The following BMPR1A variants were observed in gnomAD, a reference collection of about 807,000 sequenced individuals.
BMPR1A encodes bone morphogenetic protein receptor type-1A.
Under a neutral mutation model 66.0 loss-of-function variants are expected in BMPR1A, and 7 were observed. The ratio of observed to expected loss-of-function variants is 0.11; its 90% CI spans 0.06 to 0.20. The LOEUF (loss-of-function observed/expected upper bound fraction) is 0.20, where lower values mean the gene tolerates loss of function less well. BMPR1A is among the 10% of genes least tolerant of loss of function. The pLI, the probability that BMPR1A is intolerant of heterozygous loss-of-function variation, is 1.00. For synonymous variants in BMPR1A, 200 were observed against 229.7 expected (o/e 0.87, Z 1.17); for missense variants, 408 against 669.1 (o/e 0.61, Z 4.31).
intron 2 of BMPR1A, among the ~76,000 whole-genome samples, chr10:86,841,929 G>A (rs775312276): frequency 2.0e-5 from 3 of 152,166 alleles, no homozygotes; most frequent in Non-Finnish European, 2.9e-5. Flanking sequence ...ACATGTGCAG[G>A]CTCTGGTGCC....
At chr10:86,904,104 A>G (rs1405821607) in intron 7 of BMPR1A, among the ~76,000 whole-genome samples, 1 of 152,186 alleles carries the variant, frequency 6.6e-6, no homozygotes, top group African/African-American at 2.4e-5. Flanking sequence ...GGGTTTCACC[A>G]TGTTGGCCAG....
At chr10:86,822,319 T>C (rs1215059691) in intron 1 of BMPR1A, among the ~76,000 whole-genome samples, 1 of 152,210 alleles carries the variant, frequency 6.6e-6, no homozygotes, top group African/African-American at 2.4e-5. Flanking sequence ...CCCTGTATCC[T>C]GATTTTACTA....
At chr10:86,865,190 AAAG>A (rs1242225044) in intron 2 of BMPR1A, among the ~76,000 whole-genome samples, 2 of 151,996 alleles carry the variant, frequency 1.3e-5, no homozygotes, top group Non-Finnish European at 2.9e-5. Context: ...TTCCACCACA[AAAG>A]AAGTGTAAAT....
At chr10:86,860,482 A>C (rs1320419395) in intron 2 of BMPR1A, among the ~76,000 whole-genome samples, 1 of 152,108 alleles carries the variant, frequency 6.6e-6, no homozygotes, top group Non-Finnish European at 1.5e-5. Context: ...GAAAAATGCT[A>C]AACGGGGCTG....
intron 1 of BMPR1A, among the ~76,000 whole-genome samples, chr10:86,811,370 A>T (rs1426732307): frequency 6.6e-6 from 1 of 152,092 alleles, no homozygotes; most frequent in African/African-American, 2.4e-5. Flanking sequence ...TATGATGTTC[A>T]GTTTATATTT....
At chr10:86,781,443 A>G (rs879475079) in intron 1 of BMPR1A, among the ~76,000 whole-genome samples, 2 of 152,282 alleles carry the variant, frequency 1.3e-5, no homozygotes, top group East Asian at 3.9e-4. Context: ...GCCTTGTAGT[A>G]TATTTTCAGG....
intron 1 of BMPR1A, among the ~76,000 whole-genome samples, chr10:86,800,288 C>A (rs1225027326): frequency 6.6e-6 from 1 of 152,146 alleles, no homozygotes; most frequent in Non-Finnish European, 1.5e-5. Flanking sequence ...TCTCAGTTGC[C>A]ATCACTCACT....
At chr10:86,904,698 C>CT (rs1214947117) in intron 7 of BMPR1A, among the ~76,000 whole-genome samples, 2 of 152,170 alleles carry the variant, frequency 1.3e-5, no homozygotes, top group African/African-American at 4.8e-5. Flanking sequence ...CTGGCACAAA[C>CT]TAACAATATC....
rs574498499 is a variant in BMPR1A at position 86,814,701 on chromosome 10, G to GT, written c.-267-24161dup. On this transcript the variant is annotated intron_variant, in intron 1 of 12. Coordinates refer to ENST00000372037, the MANE Select transcript of BMPR1A (RefSeq NM_004329.3). ...AGGTTCTAATTTTAATCTCCTTTGT[G>GT]TTTCTGGCCTTCTAGCATGATGTAT... is the stretch of plus-strand genomic sequence containing the variant. Among the ~76,000 whole-genome samples the GT allele has an allele frequency of 2.6e-4, 40 of 151,568 alleles. No homozygotes were observed. The East Asian group carries it at 6.2e-3, about 23-fold the overall frequency.
chr10:86,824,901 C>T (rs1036930269), intron 1 of BMPR1A, among the ~76,000 whole-genome samples: 1 of 151,990 alleles, frequency 6.6e-6, no homozygotes, highest in East Asian at 1.9e-4. Flanking sequence ...GGAATTGATT[C>T]CACCCTTACT....
chr10:86,801,736 C>T (rs544124308), intron 1 of BMPR1A, among the ~76,000 whole-genome samples: 5 of 151,932 alleles, frequency 3.3e-5, no homozygotes, highest in African/African-American at 1.2e-4. Flanking sequence ...TTTTGTGAGA[C>T]GGAGTCTTGC....
intron 1 of BMPR1A, among the ~76,000 whole-genome samples, chr10:86,766,521 A>AAAG (rs1449628878): frequency 6.6e-6 from 1 of 152,182 alleles, no homozygotes; most frequent in Non-Finnish European, 1.5e-5. Context: ...GATTGGATGG[A>AAAG]AAGTGCCAAG....
intron 1 of BMPR1A, among the ~76,000 whole-genome samples, chr10:86,834,639 T>C (rs772095584): frequency 1.3e-5 from 2 of 152,202 alleles, no homozygotes; most frequent in African/African-American, 2.4e-5. Context: ...CATTCATGAG[T>C]TGACCCTCCC....
intron 1 of BMPR1A, among the ~76,000 whole-genome samples, chr10:86,810,901 T>TTGTGTG (rs3086853): frequency 6.6e-6 from 1 of 151,408 alleles, no homozygotes; most frequent in Non-Finnish European, 1.5e-5. Context: ...AGCACAACAT[T>TTGTGTG]TGTGTGTGTG....
chr10:86,852,850 C>T (rs1214066321), intron 2 of BMPR1A, among the ~76,000 whole-genome samples: 1 of 152,016 alleles, frequency 6.6e-6, no homozygotes, highest in Non-Finnish European at 1.5e-5. Flanking sequence ...GCACTTTACA[C>T]AAGAGGAAAC....
chr10:86,814,842 G>T (rs1174855759), intron 1 of BMPR1A, among the ~76,000 whole-genome samples: 1 of 152,154 alleles, frequency 6.6e-6, no homozygotes, highest in African/African-American at 2.4e-5. Context: ...CTGGAGCGCA[G>T]TGGTGCTATC....
intron 1 of BMPR1A, among the ~76,000 whole-genome samples, chr10:86,836,128 C>T (rs1302349355): frequency 6.6e-6 from 1 of 152,074 alleles, no homozygotes; most frequent in Non-Finnish European, 1.5e-5. Context: ...TGACTAACAC[C>T]CCTGGTGGTT....
At chr10:86,820,763 C>T (rs916733193) in intron 1 of BMPR1A, among the ~76,000 whole-genome samples, 3 of 152,184 alleles carry the variant, frequency 2.0e-5, no homozygotes, top group African/African-American at 2.4e-5. Flanking sequence ...CTGGCCACTG[C>T]CTGGTTGGCA....
intron 2 of BMPR1A, among the ~76,000 whole-genome samples, chr10:86,866,254 G>A (rs1842783363): frequency 6.8e-6 from 1 of 148,090 alleles, no homozygotes; most frequent in African/African-American, 2.5e-5. Context: ...AAAAGCGATA[G>A]TGTAAAAAGG....
Sources: allele counts gnomAD v4.1 joint callset (sites outside exome capture counted in the v4.1 genomes callset), GRCh38; gene constraint gnomAD v4.1.1; transcripts MANE v1.5; gene names NCBI Gene and HGNC (gene_info 2026-07-23, HGNC 2026-07-21).